Variants in TENM1 observed in about 807,000 individuals in gnomAD.
The protein encoded by TENM1 is teneurin-1.
TENM1 carries 35 observed loss-of-function variants against 174.8 expected under a neutral mutation model. That is an observed-to-expected ratio of 0.20 (90% CI 0.15 to 0.27). The LOEUF is 0.27. TENM1 is among the 10% of genes least tolerant of loss of function. The pLI, the probability that TENM1 is intolerant of heterozygous loss-of-function variation, is 1.00. For missense variants in TENM1, 1,633 were observed against 2,130.1 expected (o/e 0.77, Z 4.59); for synonymous variants, 781 against 798.7 (o/e 0.98, Z 0.37).
chrX:124,583,738 G>C (rs1263787025), intron 11 of TENM1, among the ~76,000 whole-genome samples: 1 of 111,514 alleles, frequency 9.0e-6, no homozygotes, highest in Non-Finnish European at 1.9e-5. Context: ...AAACTACTCC[G>C]AGCTACAGGA....
chrX:125,111,921 G>A, the TENM1 span, among the ~76,000 whole-genome samples: 1 of 111,451 alleles, frequency 9.0e-6, no homozygotes, highest in East Asian at 2.8e-4. Flanking sequence ...AACAAAAATG[G>A]ATTTGAGGGG....
chrX:125,121,560 A>C, the TENM1 span, among the ~76,000 whole-genome samples: 19 of 111,867 alleles, frequency 1.7e-4, no homozygotes, highest in African/African-American at 6.2e-4. Flanking sequence ...TGATTTTTCA[A>C]ATCTCGTAAG....
At chrX:125,127,545 C>A in the TENM1 span, among the ~76,000 whole-genome samples, 407 of 111,455 alleles carry the variant, frequency 3.7e-3, 3 homozygotes, top group African/African-American at 0.012. Flanking sequence ...ACTAAAATAT[C>A]AGAAGAGATT....
chrX:124,748,339 T>C (rs2053980852), intron 3 of TENM1, among the ~76,000 whole-genome samples: 3 of 109,688 alleles, frequency 2.7e-5, no homozygotes, highest in African/African-American at 1.0e-4. Flanking sequence ...CATGTCAAGG[T>C]ATACAGATAT....
the TENM1 span, among the ~76,000 whole-genome samples, chrX:125,191,195 G>T: frequency 9.0e-6 from 1 of 110,930 alleles, no homozygotes; most frequent in African/African-American, 3.3e-5. Flanking sequence ...AGAATTATTG[G>T]TATGAACATT....
At chrX:125,006,973 C>T in the TENM1 span, among the ~76,000 whole-genome samples, 42 of 111,533 alleles carry the variant, frequency 3.8e-4, no homozygotes, top group African/African-American at 1.4e-3. Context: ...CTCTTCTCCT[C>T]CAAATGATTG....
chrX:124,744,645 A>G (rs1164754118), intron 3 of TENM1, among the ~76,000 whole-genome samples: 1 of 112,251 alleles, frequency 8.9e-6, no homozygotes, highest in East Asian at 2.8e-4. Context: ...AAAATTTCAT[A>G]TTTAGTTTAT....
intron 3 of TENM1, among the ~76,000 whole-genome samples, chrX:124,786,260 C>G (rs756046456): frequency 1.3e-4 from 15 of 111,448 alleles, no homozygotes; most frequent in Non-Finnish European, 2.3e-4. Context: ...TTGCTTCTGC[C>G]ATTCAGTTTT....
chrX:124,771,627 T>C (rs2054656073), intron 3 of TENM1, among the ~76,000 whole-genome samples: 2 of 112,487 alleles, frequency 1.8e-5, no homozygotes, highest in Non-Finnish European at 3.8e-5. Flanking sequence ...AGTCATGTTG[T>C]TTGAATTGAA....
the TENM1 span, among the ~76,000 whole-genome samples, chrX:125,172,761 T>C: frequency 9.0e-6 from 1 of 111,473 alleles, no homozygotes; most frequent in Non-Finnish European, 1.9e-5. Context: ...CCCCGAAATA[T>C]AGTTAAGCTT....
intron 11 of TENM1, among the ~76,000 whole-genome samples, chrX:124,638,015 T>C (rs1191617120): frequency 8.9e-6 from 1 of 112,332 alleles, no homozygotes; most frequent in Non-Finnish European, 1.9e-5. Context: ...AAGAGGAACA[T>C]TTAATGAATA....
chrX:125,168,027 G>C, the TENM1 span, among the ~76,000 whole-genome samples: 1 of 111,859 alleles, frequency 8.9e-6, no homozygotes, highest in Admixed American at 9.5e-5. Context: ...GTGTGTATGT[G>C]TGTGTGTGTC....
intron 11 of TENM1, among the ~76,000 whole-genome samples, chrX:124,605,549 T>C (rs1232545656): frequency 9.0e-6 from 1 of 111,101 alleles, no homozygotes; most frequent in Admixed American, 9.6e-5. Context: ...CCTTCTGGTT[T>C]TGCTTTGCCA....
chrX:124,563,676 C>T (rs1362356659), intron 13 of TENM1, 73 bp downstream of exon 16: 13 of 842,991 alleles, frequency 1.5e-5, no homozygotes, highest in Middle Eastern at 8.4e-4. Context: ...AAAAACGCTA[C>T]CCTTTCTTTC....
intron 11 of TENM1, among the ~76,000 whole-genome samples, chrX:124,567,364 G>T (rs781427455): frequency 5.4e-5 from 6 of 112,113 alleles, no homozygotes; most frequent in Non-Finnish European, 9.4e-5. Flanking sequence ...AACTGGGATG[G>T]AGATGGCAGT....
chrX:124,587,967 A>G (rs1469766408), intron 11 of TENM1, among the ~76,000 whole-genome samples: 1 of 112,350 alleles, frequency 8.9e-6, no homozygotes, highest in Non-Finnish European at 1.9e-5. Flanking sequence ...TATCAGAGAA[A>G]TGCAAATCAA....
intron 20 of TENM1, among the ~76,000 whole-genome samples, chrX:124,491,427 C>T (rs2047063457): frequency 9.0e-6 from 1 of 111,554 alleles, no homozygotes; most frequent in Non-Finnish European, 1.9e-5. Flanking sequence ...TAAACTATCT[C>T]ACATAGAAGT....
At chrX:124,839,332 G>A (rs1367505042) in intron 3 of TENM1, among the ~76,000 whole-genome samples, 1 of 111,470 alleles carries the variant, frequency 9.0e-6, no homozygotes. Flanking sequence ...AGTTAACTCT[G>A]GGAAGGAAAG....
At chrX:124,825,773 C>A (rs2056146543) in intron 3 of TENM1, among the ~76,000 whole-genome samples, 1 of 111,880 alleles carries the variant, frequency 8.9e-6, no homozygotes, top group Non-Finnish European at 1.9e-5. Flanking sequence ...AGGGCCTTGT[C>A]TCCTTCAGAA....
Sources: allele counts gnomAD v4.1 joint callset (sites outside exome capture counted in the v4.1 genomes callset), GRCh38; gene constraint gnomAD v4.1.1; transcripts MANE v1.5; gene names NCBI Gene and HGNC (gene_info 2026-07-23, HGNC 2026-07-21).